PTPRJ: variants seen among roughly 807,000 people sequenced by gnomAD.
PTPRJ encodes the protein receptor-type tyrosine-protein phosphatase eta.
Under a neutral mutation model 141.3 loss-of-function variants are expected in PTPRJ, and 129 were observed. The ratio of observed to expected loss-of-function variants is 0.91; its 90% CI spans 0.79 to 1.06. The LOEUF is 1.06. PTPRJ is among the 50% of genes least tolerant of loss of function. The pLI is 0.00. For missense variants in PTPRJ, 1,601 were observed against 1,679.7 expected (o/e 0.95, Z 0.82); for synonymous variants, 610 against 640.5 (o/e 0.95, Z 0.72).
At chr11:48,110,679 TA>T (rs2134325205) in intron 2 of PTPRJ, among the ~76,000 whole-genome samples, 1 of 152,388 alleles carries the variant, frequency 6.6e-6, no homozygotes, top group East Asian at 1.9e-4. Context: ...TATGTGCTGT[TA>T]TCCTTTAAGT....
intron 19 of PTPRJ, among the ~76,000 whole-genome samples, chr11:48,154,994 G>A (rs1857567935): frequency 1.3e-5 from 2 of 152,178 alleles, no homozygotes; most frequent in African/African-American, 4.8e-5. Flanking sequence ...TTTGTCCAGA[G>A]GAGGGTGAGG....
chr11:48,029,890 A>C (rs6485802), intron 1 of PTPRJ, among the ~76,000 whole-genome samples: 66,064 of 151,978 alleles, frequency 0.43, 19,179 homozygotes, highest in African/African-American at 0.83. Context: ...GTTGGCCCCC[A>C]CTCCCTTCCA....
chr11:48,163,355 A>C lies in PTPRJ; in HGVS notation c.3559-103A>C, dbSNP rs1268441399. ...ATGTAAAGTTTAATTTTTAGTCATT[A>C]CAACTCCTGGTTAGTACTCAGGCTC... On this transcript the variant is annotated intron_variant, in intron 22 of 24. Transcript: ENST00000418331. 3.6e-6 allele frequency: 4 copies of C among 1,116,838 alleles called. No individual in the cohort carries two copies. The Admixed American group carries it at 6.3e-5, about 18-fold the overall frequency. The allele number at this position is 1,116,838 out of a possible 1,614,324, so 69.2% of individuals were successfully genotyped here. A position where few individuals can be genotyped will look rare whatever the true frequency, so the allele number is the denominator to read the frequency against.
chr11:48,067,273 G>C (rs376195116), intron 1 of PTPRJ, among the ~76,000 whole-genome samples: 1 of 152,104 alleles, frequency 6.6e-6, no homozygotes, highest in Non-Finnish European at 1.5e-5. Flanking sequence ...CTTCCTCACC[G>C]GCCTGGAGGA....
chr11:48,099,582 C>G (rs754040570), intron 1 of PTPRJ, among the ~76,000 whole-genome samples: 1 of 152,046 alleles, frequency 6.6e-6, no homozygotes, highest in South Asian at 2.1e-4. Flanking sequence ...TGTCTCCTCC[C>G]GTCACTCTCT....
chr11:48,122,764 A>G lies in PTPRJ; in HGVS notation c.617-849A>G, dbSNP rs376286613. Among the ~76,000 whole-genome samples, 59 of 152,364 alleles carry G rather than the reference A, an allele frequency of 3.9e-4. No homozygotes were observed. The South Asian group carries it at 0.012, about 32-fold the overall frequency. ...TTTGCATGAGAGACATGTGCTGTGA[A>G]GAATCATCTTACCGTTTCGGAGCTG... On this transcript the variant is annotated intron_variant, in intron 4 of 24. Transcript: ENST00000418331.
intron 11 of PTPRJ, among the ~76,000 whole-genome samples, chr11:48,142,659 G>C (rs76177664): frequency 0.017 from 2,586 of 152,302 alleles, 76 homozygotes; most frequent in African/African-American, 0.059. Flanking sequence ...AAACAAGGCT[G>C]CTGGGTGCCT....
chr11:48,076,503 CT>C (rs773935619), intron 1 of PTPRJ, among the ~76,000 whole-genome samples: 1 of 152,086 alleles, frequency 6.6e-6, no homozygotes, highest in South Asian at 2.1e-4. Flanking sequence ...GCCTTCTTCC[CT>C]TTTTTGGTTC....
intron 12 of PTPRJ, 144 bp downstream of exon 12, chr11:48,143,194 G>T: frequency 8.7e-7 from 1 of 1,147,178 alleles, no homozygotes; most frequent in Non-Finnish European, 1.2e-6. Context: ...GACAGAGAAG[G>T]AGGGTGAGGT....
chr11:48,147,715 G>C (rs182085625), intron 15 of PTPRJ, among the ~76,000 whole-genome samples: 135 of 152,314 alleles, frequency 8.9e-4, no homozygotes, highest in Non-Finnish European at 1.1e-3. Flanking sequence ...TTTCTTTGCT[G>C]TAAGGTGCTG....
At chr11:48,145,796 T>C (rs1219301183) in intron 14 of PTPRJ, among the ~76,000 whole-genome samples, 1 of 151,780 alleles carries the variant, frequency 6.6e-6, no homozygotes, top group Non-Finnish European at 1.5e-5. Context: ...TGACCTCAGG[T>C]GATCTGCCCA....
At chr11:48,090,060 AT>A (rs896407235) in intron 1 of PTPRJ, among the ~76,000 whole-genome samples, 2 of 152,212 alleles carry the variant, frequency 1.3e-5, no homozygotes, top group African/African-American at 4.8e-5. Context: ...TGGAAAACAC[AT>A]TTTTAAACAA....
At chr11:48,145,576 T>TTTTGA (rs1857332035) in intron 14 of PTPRJ, among the ~76,000 whole-genome samples, 1 of 144,812 alleles carries the variant, frequency 6.9e-6, no homozygotes. Flanking sequence ...TTTTTTTTTT[T>TTTTGA]CAGACAGAGT....
intron 1 of PTPRJ, among the ~76,000 whole-genome samples, chr11:48,016,024 C>T (rs1301572562): frequency 1.3e-5 from 2 of 152,064 alleles, no homozygotes; most frequent in African/African-American, 4.8e-5. Flanking sequence ...GGTTCCTTTG[C>T]AGTGGGAGCC....
intron 1 of PTPRJ, among the ~76,000 whole-genome samples, chr11:48,053,267 A>G (rs1338969981): frequency 1.1e-5 from 1 of 87,062 alleles, no homozygotes; most frequent in Admixed American, 2.0e-4. Flanking sequence ...ATAATATATT[A>G]TATAAATATA....
chr11:48,112,711 A>G (rs1026940278), intron 2 of PTPRJ, 36 bp from the exon 3 acceptor site: 6 of 1,487,012 alleles, frequency 4.0e-6, no homozygotes, highest in African/African-American at 2.8e-5. Context: ...CTGGAGAAAT[A>G]TATTTTTAAT....
chr11:48,025,845 C>G (rs1420543823), intron 1 of PTPRJ, among the ~76,000 whole-genome samples: 1 of 152,216 alleles, frequency 6.6e-6, no homozygotes, highest in Non-Finnish European at 1.5e-5. Flanking sequence ...TCCAGACTGC[C>G]CAGGCTGCAT....
At chr11:48,049,033 G>A (rs929186663) in intron 1 of PTPRJ, among the ~76,000 whole-genome samples, 1 of 152,112 alleles carries the variant, frequency 6.6e-6, no homozygotes, top group Non-Finnish European at 1.5e-5. Flanking sequence ...TTATAGTCCG[G>A]AGCAGGGTGG....
chr11:47,992,980 A>T (rs1854236158), intron 1 of PTPRJ, among the ~76,000 whole-genome samples: 1 of 152,040 alleles, frequency 6.6e-6, no homozygotes, highest in African/African-American at 2.4e-5. Flanking sequence ...CTGGTGGGGG[A>T]TGGAGGTGGA....
Sources: gnomAD v4.1 joint callset for allele counts (sites outside exome capture counted in the v4.1 genomes callset) on GRCh38, gnomAD v4.1.1 for gene constraint, MANE v1.5 for transcripts, NCBI Gene and HGNC (gene_info 2026-07-23, HGNC 2026-07-21) for gene names.